Variants in RUFY1 observed in about 807,000 individuals in gnomAD.
RUFY1 encodes RUN and FYVE domain containing 1, also known as RUN and FYVE domain-containing protein 1.
In RUFY1, 54 loss-of-function variants were observed where a neutral mutation model predicts 94.6. The observed-to-expected ratio is 0.57, with a 90% confidence interval of 0.46 to 0.72. RUFY1 has a LOEUF of 0.72. Ranked by LOEUF, RUFY1 falls within the 30% of genes least tolerant of loss-of-function variation. RUFY1 has a pLI of 0.00. For missense variants in RUFY1, 883 were observed against 883.9 expected, an observed-to-expected ratio of 1.00 and a Z score of 0.01; for synonymous variants, 396 against 347.3, an observed-to-expected ratio of 1.14 and a Z score of -1.56.
chr5:179,596,672 A>G lies in RUFY1; in HGVS notation c.1622A>G (p.His541Arg). The G allele has an allele frequency of 6.2e-7, 1 of 1,602,294 alleles. No homozygotes were observed. Among genetic ancestry groups the G allele is most frequent in the Non-Finnish European group, 8.5e-7 (1 of 1,175,510 alleles). The change falls in exon 13 of 18, where the codon CAC (histidine) becomes CGC (arginine). Residue 541 changes from histidine to arginine, a missense_variant. Physicochemically the swap from His to Arg is conservative, Grantham distance 29. Transcript: ENST00000319449. ...CTGCAGCTGCAGCTCTCCCAGCTGC[A>G]CGAGCAATGGTAGGGGCCCTGCAGG... The part of the protein sequence containing the change: ...GALQLQLSQL[H>R]EQCSSLEKEL...
chr5:179,570,125 G>A lies in RUFY1; in HGVS notation c.828+700G>A, dbSNP rs142985181. On this transcript the variant is annotated intron_variant, in intron 5 of 17. Coordinates refer to ENST00000319449, the MANE Select transcript of RUFY1 (RefSeq NM_025158.5). ...AATCTCCTGACCTCGTGATCCACCC[G>A]CCTCGGCCTCCCAAAGTGCTGGGAT... Among the ~76,000 whole-genome samples, 681 of 150,634 alleles carry A rather than the reference G, an allele frequency of 4.5e-3. 24 individuals carry two copies. In the East Asian group the frequency reaches 0.089, roughly 20 times the overall value.
chr5:179,562,817 G>T, intron 3 of RUFY1, 153 bp downstream of exon 3: 2 of 590,348 alleles, frequency 3.4e-6, no homozygotes, highest in Non-Finnish European at 6.1e-6. Flanking sequence ...GACTCTCTCT[G>T]AGCCTCAGTT....
At position 179,593,467 on chromosome 5, in the gene RUFY1, ATCC is replaced by A; in HGVS notation, c.1246-9_1246-7del. On this transcript the variant is annotated splice_region_variant and splice_polypyrimidine_tract_variant and intron_variant, in intron 10 of 17. Coordinates refer to ENST00000319449, the MANE Select transcript of RUFY1 (RefSeq NM_025158.5). ...TTTTAATAACATTTTCCTTGTAAATATCCTTTTAAGGAACTGGAAAAAGAACTG... is the reference window on the plus strand; with the variant it reads ...TTTTAATAACATTTTCCTTGTAAATATTTTAAGGAACTGGAAAAAGAACTG... 6.3e-7 allele frequency: 1 copy of A among 1,583,796 alleles called. No homozygotes were observed. The highest frequency in any genetic ancestry group is 8.7e-7 in the Non-Finnish European group (1 of 1,152,504).
intron 8 of RUFY1, chr5:179,586,555 G>C: frequency 2.4e-6 from 1 of 415,878 alleles, no homozygotes; most frequent in Non-Finnish European, 4.8e-6. Context: ...ACACCTCCAC[G>C]GCATGGAGGT....
rs775640966 is a variant in RUFY1, at chr5:179,580,951, G to A, written c.895G>A (p.Glu299Lys). 1 of 1,596,360 alleles carries A rather than the reference G, an allele frequency of 6.3e-7. No homozygotes were observed. Among genetic ancestry groups the A allele is most frequent in the Non-Finnish European group, 8.6e-7 (1 of 1,167,824 alleles). ...VQDLDGGKEH[E>K]RITDVLDQKN... is the part of the protein sequence containing the mutation. ...TTCTTATGCTCCTTTTAAAAGGCATGAAAGAATTACTGATGTCCTTGATCA... is the reference window on the plus strand; with the variant it reads ...TTCTTATGCTCCTTTTAAAAGGCATAAAAGAATTACTGATGTCCTTGATCA... Residue 299 changes from glutamate (E) to lysine (K), a missense_variant, in exon 7 of 18, where the codon GAA (glutamate) becomes AAA (lysine). Glu to Lys is a moderately conservative substitution (Grantham distance 56). Transcript: ENST00000319449.
chr5:179,564,573 AG>A (rs932795610), intron 3 of RUFY1, among the ~76,000 whole-genome samples: 3 of 151,862 alleles, frequency 2.0e-5, no homozygotes, highest in African/African-American at 7.2e-5. Context: ...CTATAGGCTG[AG>A]GCAGGAGAAT....
intron 3 of RUFY1, among the ~76,000 whole-genome samples, chr5:179,565,947 G>T (rs1192152239): frequency 2.6e-5 from 4 of 151,910 alleles, no homozygotes; most frequent in Non-Finnish European, 5.9e-5. Flanking sequence ...TTTGAAACCA[G>T]CCTGGACAAT....
chr5:179,552,354 C>CAAGG, intron 1 of RUFY1, among the ~76,000 whole-genome samples: 1 of 152,220 alleles, frequency 6.6e-6, no homozygotes, highest in South Asian at 2.1e-4. Flanking sequence ...TCATAGCACA[C>CAAGG]ACTCGAGGCT....
At chr5:179,582,585 G>A (rs1341249511) in intron 7 of RUFY1, among the ~76,000 whole-genome samples, 1 of 152,168 alleles carries the variant, frequency 6.6e-6, no homozygotes, top group Non-Finnish European at 1.5e-5. Flanking sequence ...GGGTGTGGTG[G>A]CTCACACCTG....
chr5:179,562,491 C>G (rs916801900), intron 2 of RUFY1, 56 bp from the exon 3 acceptor site: 9 of 978,360 alleles, frequency 9.2e-6, no homozygotes, highest in Middle Eastern at 2.1e-4. Context: ...GCTGTGGGTC[C>G]CTGAAGAAAT....
chr5:179,601,489 A>G (rs1562102429), intron 14 of RUFY1, among the ~76,000 whole-genome samples: 1 of 150,804 alleles, frequency 6.6e-6, no homozygotes, highest in Admixed American at 6.6e-5. Context: ...CTTGAAAAAC[A>G]TTCTGATCTG....
intron 4 of RUFY1, among the ~76,000 whole-genome samples, chr5:179,568,629 A>G (rs899812590): frequency 6.6e-6 from 1 of 152,232 alleles, no homozygotes; most frequent in South Asian, 2.1e-4. Context: ...AATTATACAT[A>G]TTTATGGGAT....
At chr5:179,579,060 G>A (rs1002796145) in intron 6 of RUFY1, among the ~76,000 whole-genome samples, 3 of 152,232 alleles carry the variant, frequency 2.0e-5, no homozygotes, top group African/African-American at 7.2e-5. Flanking sequence ...TGTGGAGGCA[G>A]TCATGGGAGG....
chr5:179,601,869 T>C (rs959203231), intron 14 of RUFY1, 23 bp from the exon 15 acceptor site: 1 of 1,138,066 alleles, frequency 8.8e-7, no homozygotes, highest in Non-Finnish European at 1.3e-6. Flanking sequence ...CTGTCCAGCA[T>C]CTGGTTGGTT....
intron 1 of RUFY1, among the ~76,000 whole-genome samples, chr5:179,558,215 C>A (rs1353749754): frequency 1.3e-5 from 2 of 152,104 alleles, no homozygotes; most frequent in Non-Finnish European, 2.9e-5. Context: ...ATTTCCTTTG[C>A]CAATCATCCA....
intron 1 of RUFY1, 112 bp downstream of exon 1, chr5:179,550,991 G>A (rs1428685727): frequency 3.3e-6 from 3 of 909,224 alleles, no homozygotes; most frequent in Non-Finnish European, 4.0e-6. Flanking sequence ...GGGAGGTTAC[G>A]CGAGCTGTTG....
At chr5:179,583,429 TA>T (rs1293543667) in intron 7 of RUFY1, among the ~76,000 whole-genome samples, 10 of 148,838 alleles carry the variant, frequency 6.7e-5, no homozygotes, top group South Asian at 2.1e-4. Context: ...TATATATATA[TA>T]TTTTAAGACG....
At chr5:179,561,066 C>A (rs959898544) in intron 2 of RUFY1, among the ~76,000 whole-genome samples, 1 of 152,002 alleles carries the variant, frequency 6.6e-6, no homozygotes. Context: ...CAAAAATTAG[C>A]CGGGCGTGGT....
chr5:179,575,111 T>C (rs1406153344), intron 5 of RUFY1, among the ~76,000 whole-genome samples: 2 of 146,522 alleles, frequency 1.4e-5, no homozygotes, highest in African/African-American at 5.0e-5. Context: ...TTCTAGAAGC[T>C]TTTCTACTTT....
Sources: allele counts gnomAD v4.1 joint callset (sites outside exome capture counted in the v4.1 genomes callset), GRCh38; gene constraint gnomAD v4.1.1; transcripts MANE v1.5; gene names NCBI Gene and HGNC (gene_info 2026-07-23, HGNC 2026-07-21).